Variants in SRFBP1 observed in about 807,000 individuals in gnomAD.
The protein encoded by SRFBP1 is serum response factor-binding protein 1.
In SRFBP1, 47 loss-of-function variants were observed where a neutral mutation model predicts 45.5. That is an observed-to-expected ratio of 1.03 (90% confidence interval 0.82 to 1.32). The LOEUF is 1.32. Among genes scored for constraint, SRFBP1 ranks in the 40% most tolerant of loss-of-function variants. The probability of loss-of-function intolerance (pLI) is 0.00; values close to 1 mark genes in which losing one functional copy is unlikely to be tolerated. For missense variants in SRFBP1, 621 were observed against 484.6 expected (o/e 1.28, Z -2.64); for synonymous variants, 203 against 166.3 (o/e 1.22, Z -1.70).
intron 2 of SRFBP1, chr5:122,074,027 T>C (rs1436353084): frequency 6.2e-7 from 1 of 1,613,914 alleles, no homozygotes; most frequent in Non-Finnish European, 8.5e-7. Flanking sequence ...GTGTGTGCAG[T>C]ACATGCAAAT....
chr5:122,002,086 C>G (rs555379532), intron 4 of SRFBP1, among the ~76,000 whole-genome samples: 5 of 152,246 alleles, frequency 3.3e-5, no homozygotes, highest in African/African-American at 1.2e-4. Flanking sequence ...ATAGTTTTCA[C>G]TAAAGTATGT....
At chr5:122,024,962 A>G in intron 7 of SRFBP1, among the ~76,000 whole-genome samples, 1 of 151,470 alleles carries the variant, frequency 6.6e-6, no homozygotes, top group East Asian at 1.9e-4. Context: ...TGTTTTTTTT[A>G]TTTTTATTAT....
chr5:122,051,811 A>G (rs1753988511), intron 2 of SRFBP1, among the ~76,000 whole-genome samples: 1 of 152,030 alleles, frequency 6.6e-6, no homozygotes, highest in Non-Finnish European at 1.5e-5. Context: ...TTAGCTGGTT[A>G]TTATGCAGAC....
chr5:121,979,207 A>G (rs1752360263), intron 3 of SRFBP1, among the ~76,000 whole-genome samples: 2 of 152,238 alleles, frequency 1.3e-5, no homozygotes, highest in Admixed American at 1.3e-4. Flanking sequence ...TCTAGGGAGA[A>G]TCCCATTTTA....
chr5:122,037,789 A>G (rs111623231), intron 2 of SRFBP1, among the ~76,000 whole-genome samples: 2 of 151,906 alleles, frequency 1.3e-5, no homozygotes, highest in Non-Finnish European at 2.9e-5. Context: ...AGGTACTGGG[A>G]TTATACCCAT....
chr5:122,023,178 T>C (rs985537449), intron 7 of SRFBP1, among the ~76,000 whole-genome samples: 1 of 152,198 alleles, frequency 6.6e-6, no homozygotes, highest in Non-Finnish European at 1.5e-5. Context: ...AGTCTTACTA[T>C]ATATCTAGGA....
At chr5:122,066,851 C>A in intron 2 of SRFBP1, 2 of 727,626 alleles carry the variant, frequency 2.7e-6, no homozygotes, top group Non-Finnish European at 5.0e-6. Flanking sequence ...CTTTATGCAA[C>A]AGTTTCCCTC....
intron 4 of SRFBP1, among the ~76,000 whole-genome samples, chr5:122,017,862 C>G (rs1159255420): frequency 6.6e-6 from 1 of 152,182 alleles, no homozygotes; most frequent in Admixed American, 6.5e-5. Flanking sequence ...CTTTCACACA[C>G]TAGTGAAATT....
At chr5:122,062,628 A>C (rs1340975264) in intron 2 of SRFBP1, among the ~76,000 whole-genome samples, 1 of 152,022 alleles carries the variant, frequency 6.6e-6, no homozygotes, top group Non-Finnish European at 1.5e-5. Context: ...TCTACAACTC[A>C]AATCTGCAAA....
chr5:122,012,764 A>G (rs1322179050), intron 4 of SRFBP1, among the ~76,000 whole-genome samples: 1 of 152,120 alleles, frequency 6.6e-6, no homozygotes, highest in Non-Finnish European at 1.5e-5. Flanking sequence ...TCTAATTATT[A>G]TGATTTCTTA....
downstream of SRFBP1, among the ~76,000 whole-genome samples, chr5:122,032,787 T>C (rs1753611348): frequency 6.6e-6 from 1 of 152,232 alleles, no homozygotes; most frequent in African/African-American, 2.4e-5. Flanking sequence ...GTCTTCAGGG[T>C]AAATTTCTGG....
intron 2 of SRFBP1, chr5:122,066,779 T>C: frequency 2.1e-6 from 3 of 1,443,222 alleles, no homozygotes; most frequent in Non-Finnish European, 2.9e-6. Flanking sequence ...TAAGACAAAT[T>C]ATTAACCTGA....
At chr5:122,066,841 C>T in intron 2 of SRFBP1, 1 of 788,006 alleles carries the variant, frequency 1.3e-6, no homozygotes, top group Non-Finnish European at 2.2e-6. Context: ...CTTTTAAAAA[C>T]TTTATGCAAC....
At chr5:121,964,527 C>T (rs970029838) in intron 1 of SRFBP1, among the ~76,000 whole-genome samples, 6 of 152,138 alleles carry the variant, frequency 3.9e-5, no homozygotes, top group Non-Finnish European at 8.8e-5. Flanking sequence ...ATGAACTCAT[C>T]ATTTTTTATG....
chr5:122,070,676 T>C, intron 2 of SRFBP1: 1 of 673,990 alleles, frequency 1.5e-6, no homozygotes, highest in Non-Finnish European at 2.6e-6. Context: ...AATTAAATTT[T>C]AAGTTAGTAC....
intron 2 of SRFBP1, chr5:122,070,824 T>C (rs1754428985): frequency 9.6e-6 from 3 of 313,476 alleles, no homozygotes; most frequent in South Asian, 1.3e-4. Flanking sequence ...CTTAAAAGTG[T>C]CATATATCAC....
chr5:122,006,248 T>TGTA (rs1752973369), intron 4 of SRFBP1, among the ~76,000 whole-genome samples: 2 of 152,198 alleles, frequency 1.3e-5, no homozygotes, highest in South Asian at 4.1e-4. Context: ...AGGCCTTTAC[T>TGTA]GAGAAATTTG....
At position 122,070,378 on chromosome 5, in the gene SRFBP1, A is replaced by G. The variant is rs934036753; in HGVS notation, n.312-4937A>G. 20 of 658,418 alleles carry G rather than the reference A, an allele frequency of 3.0e-5. No homozygotes were observed. In the African/African-American group the frequency reaches 3.7e-4, roughly 12 times the overall value. The allele number at this position is 658,418 out of a possible 1,614,324, so 40.8% of individuals were successfully genotyped here. A position where few individuals can be genotyped will look rare whatever the true frequency, so the allele number is the denominator to read the frequency against. The stretch of plus-strand genomic sequence containing the variant: ...TTAGATTAGATTAGATTGTTTATAA[A>G]TAGTTTGAGGATGTATAATTGCTTC... On this transcript the variant is annotated intron_variant and non_coding_transcript_variant, in intron 2 of 2. Transcript: ENST00000504881.
intron 5 of SRFBP1, among the ~76,000 whole-genome samples, chr5:122,019,576 T>A (rs1753260151): frequency 6.6e-6 from 1 of 151,060 alleles, no homozygotes; most frequent in African/African-American, 2.4e-5. Context: ...ATATATCTTT[T>A]TATATATAAT....
Sources: allele counts gnomAD v4.1 joint callset (sites outside exome capture counted in the v4.1 genomes callset), GRCh38; gene constraint gnomAD v4.1.1; transcripts MANE v1.5; gene names NCBI Gene and HGNC (gene_info 2026-07-23, HGNC 2026-07-21).